The following KLHL28 variants were observed in gnomAD, a reference collection of about 807,000 sequenced individuals.
The protein encoded by KLHL28 is kelch-like protein 28.
A neutral mutation model predicts 48.3 loss-of-function variants in KLHL28; 22 were observed. That is an observed-to-expected ratio of 0.46 (90% CI 0.33 to 0.65). KLHL28 has a LOEUF of 0.65. Among genes scored for constraint, KLHL28 ranks in the 30% least tolerant of loss-of-function variants. The pLI, the probability that KLHL28 is intolerant of heterozygous loss-of-function variation, is 0.03. For missense variants in KLHL28, 527 were observed against 704.3 expected, an observed-to-expected ratio of 0.75 and a Z score of 2.85; for synonymous variants, 243 against 242.4, an observed-to-expected ratio of 1.00 and a Z score of -0.02.
At chr14:44,947,749 T>C (rs1396357674) in intron 1 of KLHL28, among the ~76,000 whole-genome samples, 2 of 152,242 alleles carry the variant, frequency 1.3e-5, no homozygotes, top group Non-Finnish European at 2.9e-5. Flanking sequence ...AATTGTTTCA[T>C]ACTTATTTCA....
At chr14:44,954,138 T>C (rs1341141325) in intron 1 of KLHL28, among the ~76,000 whole-genome samples, 1 of 152,196 alleles carries the variant, frequency 6.6e-6, no homozygotes, top group African/African-American at 2.4e-5. Context: ...GTATAGTCTG[T>C]TGGTGAGGAT....
Position 44,928,880 on chromosome 14 carries a change from A to T in KLHL28, c.*148T>A. On this transcript the variant is annotated 3_prime_UTR_variant, in exon 5 of 5. Coordinates refer to ENST00000396128, the MANE Select transcript of KLHL28 (RefSeq NM_017658.5). The stretch of plus-strand genomic sequence containing the variant: ...GAGCAACCAAAACTACTTCTCAATT[A>T]AAAGTACCCAACAAAACTTTTGAGC... The T allele has an allele frequency of 3.4e-6, 2 of 594,812 alleles. No homozygotes were observed. Among genetic ancestry groups the T allele is most frequent in the Non-Finnish European group, 5.8e-6 (2 of 346,528 alleles). The allele number at this position is 594,812 out of a possible 1,614,324, so 36.8% of individuals were successfully genotyped here. A position where few individuals can be genotyped will look rare whatever the true frequency, so the allele number is the denominator to read the frequency against.
At position 44,934,455 on chromosome 14, in the gene KLHL28, C is replaced by T. The variant is rs1883720543; in HGVS notation, c.1003G>A (p.Val335Ile). 6.2e-7 allele frequency: 1 copy of T among 1,614,082 alleles called. No homozygotes were observed. Reference sequence around the variant, plus strand: ...ACATTAGTTGCAATACCACCTATAACATATACTTTTTGGTCTAAAACGCAT... The same window carrying T: ...ACATTAGTTGCAATACCACCTATAATATATACTTTTTGGTCTAAAACGCAT... ...GICVLDQKVYVIGGIATNVRP... is the reference protein window; with the variant it reads ...GICVLDQKVYIIGGIATNVRP... Residue 335 changes from valine to isoleucine, a missense_variant, in exon 3 of 5, where the codon GTT becomes ATT. Physicochemically the swap from Val to Ile is conservative, Grantham distance 29 (BLOSUM62 3). Coordinates refer to ENST00000396128, the MANE Select transcript of KLHL28 (RefSeq NM_017658.5).
rs761582121 is a variant in KLHL28, at chr14:44,934,122, T to C, written c.1336A>G (p.Met446Val). Residue 446 changes from methionine (M) to valine (V), a missense_variant, in exon 3 of 5, where the codon ATG becomes GTG. Transcript: ENST00000396128. The stretch of plus-strand genomic sequence containing the variant: ...AATTATTAAGTTAAATACCTGTTCA[T>C]GTGGGCAGGACCATACCCACCAATG... The part of the protein sequence containing the change: ...YAIGGYGPAH[M>V]NSVERYDPSK... 1.9e-6 allele frequency: 3 copies of C among 1,599,596 alleles called. No homozygotes were observed. Among genetic ancestry groups the C allele is most frequent in the Admixed American group, 3.5e-5 (2 of 57,388 alleles).
intron 1 of KLHL28, among the ~76,000 whole-genome samples, chr14:44,948,371 AT>A (rs1424010914): frequency 6.6e-6 from 1 of 152,180 alleles, no homozygotes; most frequent in Non-Finnish European, 1.5e-5. Context: ...GAGATAAAAC[AT>A]ATCAGTGAAG....
intron 4 of KLHL28, among the ~76,000 whole-genome samples, chr14:44,931,043 G>A (rs149459937): frequency 1.9e-3 from 295 of 152,224 alleles, no homozygotes; most frequent in African/African-American, 6.8e-3. Context: ...TTGTTACATG[G>A]ACAAAAGGAG....
intron 1 of KLHL28, among the ~76,000 whole-genome samples, chr14:44,946,551 CTTTTTTTT>C (rs397853423): frequency 3.3e-5 from 4 of 122,542 alleles, no homozygotes; most frequent in Non-Finnish European, 6.8e-5. Flanking sequence ...CCACTCAACT[CTTTTTTTT>C]TTTTTTTTTT....
intron 1 of KLHL28, among the ~76,000 whole-genome samples, chr14:44,957,826 G>C (rs936576964): frequency 6.6e-6 from 1 of 152,032 alleles, no homozygotes; most frequent in Non-Finnish European, 1.5e-5. Context: ...TATTAAATAA[G>C]CTCAGAATTT....
chr14:44,961,373 G>A lies in KLHL28; in HGVS notation c.-1+473C>T, dbSNP rs183398061. Among the ~76,000 whole-genome samples the A allele has an allele frequency of 7.9e-5, 12 of 152,244 alleles. No individual in the cohort carries two copies. In the East Asian group the frequency reaches 2.3e-3, roughly 29 times the overall value. On this transcript the variant is annotated intron_variant, in intron 1 of 4. Transcript: ENST00000396128. ...AAGGAAAGATTTTGATAACGTCTAA[G>A]GGAGAGGCGGTTAGCTACAGGGGGA...
chr14:44,950,494 C>T (rs1022896410), intron 1 of KLHL28, among the ~76,000 whole-genome samples: 5 of 152,144 alleles, frequency 3.3e-5, no homozygotes, highest in African/African-American at 4.8e-5. Context: ...ACATATGACA[C>T]GCAAAAATGA....
At chr14:44,946,554 T>G (rs1184563565) in intron 1 of KLHL28, among the ~76,000 whole-genome samples, 1 of 130,294 alleles carries the variant, frequency 7.7e-6, no homozygotes, top group Non-Finnish European at 1.5e-5. Flanking sequence ...CTCAACTCTT[T>G]TTTTTTTTTT....
At chr14:44,957,856 T>G (rs1002579946) in intron 1 of KLHL28, among the ~76,000 whole-genome samples, 3 of 152,134 alleles carry the variant, frequency 2.0e-5, no homozygotes, top group African/African-American at 7.2e-5. Context: ...ATTAAAATCT[T>G]AACTCAAACA....
chr14:44,960,946 T>C, intron 1 of KLHL28: 2 of 1,511,160 alleles, frequency 1.3e-6, no homozygotes, highest in Non-Finnish European at 1.8e-6. Flanking sequence ...GGTCTTCAAA[T>C]GATAACTTAG....
In KLHL28 at chr14:44,929,099, T is replaced by C. The variant is rs368703220; in HGVS notation, c.1645A>G (p.Ile549Val). ...YLNTVQKYDP[I>V]SDTWLDSAGM... ...GCTGAATCCAGCCACGTATCTGAGATAGGATCATATTTCTGCACTGTATTC... is the reference window on the plus strand; with the variant it reads ...GCTGAATCCAGCCACGTATCTGAGACAGGATCATATTTCTGCACTGTATTC... The change falls in exon 5 of 5, where the codon ATC becomes GTC. Residue 549 changes from isoleucine (I) to valine (V), a missense_variant. Physicochemically the swap from Ile to Val is conservative, Grantham distance 29. Coordinates refer to ENST00000396128, the MANE Select transcript of KLHL28 (RefSeq NM_017658.5). 19 of 1,613,898 alleles carry C rather than the reference T, an allele frequency of 1.2e-5. No homozygotes were observed. Among genetic ancestry groups the C allele is most frequent in the Non-Finnish European group, 1.1e-5 (13 of 1,179,966 alleles).
At position 44,945,317 on chromosome 14, in the gene KLHL28, A is replaced by C. The variant is rs576391930; in HGVS notation, c.612T>G (p.Ser204=). The C allele has an allele frequency of 1.2e-6, 2 of 1,614,156 alleles. No homozygotes were observed. Among genetic ancestry groups the C allele is most frequent in the Non-Finnish European group, 1.7e-6 (2 of 1,180,016 alleles). Residue 204 remains serine, a synonymous_variant, in exon 2 of 5, where the codon TCT becomes TCG. Coordinates refer to ENST00000396128, the MANE Select transcript of KLHL28 (RefSeq NM_017658.5). ...GTTCTTGTACATCATACTTGATCCA[A>C]GACTCTAATGCATAAAAAACAGTCT... ...TEETVFYALE[S]WIKYDVQERQ... is the part of the protein sequence containing the mutation.
intron 2 of KLHL28, among the ~76,000 whole-genome samples, chr14:44,943,913 G>A (rs1884214128): frequency 2.0e-5 from 3 of 151,936 alleles, no homozygotes; most frequent in African/African-American, 7.3e-5. Flanking sequence ...ACAGGATCTC[G>A]TTATAATGCC....
intron 1 of KLHL28, among the ~76,000 whole-genome samples, chr14:44,954,504 T>C (rs1256401738): frequency 6.6e-6 from 1 of 152,214 alleles, no homozygotes; most frequent in East Asian, 1.9e-4. Context: ...TGCAGTACTA[T>C]ACAGCGATGA....
At chr14:44,947,166 T>C (rs1196784851) in intron 1 of KLHL28, among the ~76,000 whole-genome samples, 1 of 152,076 alleles carries the variant, frequency 6.6e-6, no homozygotes, top group Non-Finnish European at 1.5e-5. Context: ...ATGTACCTTA[T>C]AAGAAGGCAG....
rs1422185720 is a variant in KLHL28, at chr14:44,924,966, T to C, written c.*4062A>G. On this transcript the variant is annotated 3_prime_UTR_variant, in exon 5 of 5. Transcript: ENST00000396128. ...AAATGTATTGTATTCCTCACTCTTT[T>C]CAAATGTGTATCAACACCAAATCAA... 1 of 152,566 alleles carries C rather than the reference T, an allele frequency of 6.6e-6. No individual in the cohort carries two copies. The highest frequency in any genetic ancestry group is 1.5e-5 in the Non-Finnish European group (1 of 67,974). 9.5% of individuals were successfully genotyped at this position (152,566 alleles called of 1,614,324 possible).
Sources: allele counts gnomAD v4.1 joint callset (sites outside exome capture counted in the v4.1 genomes callset), GRCh38; gene constraint gnomAD v4.1.1; transcripts MANE v1.5; gene names NCBI Gene and HGNC (gene_info 2026-07-23, HGNC 2026-07-21).